Variants in RAI1 observed in about 807,000 individuals in gnomAD.
RAI1 encodes the protein retinoic acid induced 1.
In RAI1, 9 loss-of-function variants were observed where a neutral mutation model predicts 123.8. The ratio of observed to expected loss-of-function variants is 0.07; its 90% CI spans 0.04 to 0.13. The LOEUF is 0.13. Among genes scored for constraint, RAI1 ranks in the 10% least tolerant of loss-of-function variants. The pLI, the probability that RAI1 is intolerant of heterozygous loss-of-function variation, is 1.00. For missense variants in RAI1, 2,256 were observed against 2,545.8 expected, an observed-to-expected ratio of 0.89 and a Z score of 2.45; for synonymous variants, 1,231 against 1,127.3, an observed-to-expected ratio of 1.09 and a Z score of -1.84.
chr17:17,753,867 A>G (rs2030317297), intron 2 of RAI1, among the ~76,000 whole-genome samples: 1 of 152,140 alleles, frequency 6.6e-6, no homozygotes, highest in Admixed American at 6.5e-5. Flanking sequence ...AGACTGGAGG[A>G]ACTGTGGATC....
At chr17:17,737,567 A>C (rs1004590602) in intron 2 of RAI1, among the ~76,000 whole-genome samples, 1 of 152,136 alleles carries the variant, frequency 6.6e-6, no homozygotes, top group African/African-American at 2.4e-5. Flanking sequence ...CTGAATGGTT[A>C]AATTTAATTT....
chr17:17,795,113 C>T lies in RAI1; in HGVS notation c.2165C>T (p.Thr722Ile), dbSNP rs769988272. 31 of 1,614,022 alleles carry T rather than the reference C, an allele frequency of 1.9e-5. 1 individual carries two copies. The South Asian group carries it at 3.3e-4, about 17-fold the overall frequency. ...PTLGVPAPDP[T>I]TAAFDCFPDT... The stretch of plus-strand genomic sequence containing the variant: ...CTTGGGGTTCCTGCTCCAGACCCCA[C>T]TACAGCAGCTTTTGACTGTTTCCCG... The change falls in exon 3 of 6, where the codon ACT (threonine) becomes ATT (isoleucine). Residue 722 changes from threonine (T) to isoleucine (I), a missense_variant. Around this residue, in one of 7 missense-constraint regions of RAI1, gnomAD observed 566 missense variants for 616.0 expected, o/e 0.92. Transcript: ENST00000353383. This position sits in a 1 kb window ranked among gnomAD's most constrained non-coding sequence, Gnocchi z 5.9.
chr17:17,761,111 T>C (rs1020975947), intron 2 of RAI1, among the ~76,000 whole-genome samples: 6 of 152,142 alleles, frequency 3.9e-5, no homozygotes, highest in Non-Finnish European at 8.8e-5. Flanking sequence ...GTGCTCAGAG[T>C]CCTCATCTTT....
At position 17,794,954 on chromosome 17, in the gene RAI1, A is replaced by T; in HGVS notation, c.2006A>T (p.Asp669Val). The change falls in exon 3 of 6, where the codon GAC becomes GTC. Residue 669 changes from aspartate (D) to valine (V), a missense_variant. This residue lies in a region of RAI1 where 566 missense variants were observed against 616.0 expected (regional missense o/e 0.92). Transcript: ENST00000353383. ...CCTGGGGAGCCGGAGGCCCTGCCCG[A>T]CTCCTTGCAGCTGGACAAGGGCGGC... is the stretch of plus-strand genomic sequence containing the variant. ...PRPGEPEALPDSLQLDKGGNA... is the reference protein window; with the variant it reads ...PRPGEPEALPVSLQLDKGGNA... The T allele has an allele frequency of 6.2e-7, 1 of 1,613,576 alleles. No individual in the cohort carries two copies. The highest frequency in any genetic ancestry group is 8.5e-7 in the Non-Finnish European group (1 of 1,179,986).
At chr17:17,784,638 A>C (rs928247032) in intron 2 of RAI1, among the ~76,000 whole-genome samples, 2 of 152,240 alleles carry the variant, frequency 1.3e-5, no homozygotes, top group East Asian at 3.9e-4. Context: ...AGGCAGCACC[A>C]CGTAGAAGCA....
intron 2 of RAI1, among the ~76,000 whole-genome samples, chr17:17,753,536 T>C (rs2142987015): frequency 6.6e-6 from 1 of 152,264 alleles, no homozygotes; most frequent in South Asian, 2.1e-4. Flanking sequence ...CAAAAGAAAA[T>C]GCAATTTGAG....
intron 1 of RAI1, among the ~76,000 whole-genome samples, chr17:17,704,903 C>A (rs889040273): frequency 6.6e-6 from 1 of 151,932 alleles, no homozygotes; most frequent in Non-Finnish European, 1.5e-5. Context: ...AGTTATGGCC[C>A]GTGAGGTGTG....
intron 2 of RAI1, among the ~76,000 whole-genome samples, chr17:17,735,574 C>T (rs947069688): frequency 6.6e-6 from 1 of 152,158 alleles, no homozygotes; most frequent in Admixed American, 6.5e-5. Flanking sequence ...TCAGGCTGGT[C>T]TCAAACTCCT....
At chr17:17,771,148 G>C (rs1435957083) in intron 2 of RAI1, among the ~76,000 whole-genome samples, 1 of 152,194 alleles carries the variant, frequency 6.6e-6, no homozygotes, top group Non-Finnish European at 1.5e-5. Flanking sequence ...ACCCTGCCCA[G>C]GTGTCATGAA....
At chr17:17,780,585 C>T (rs1017124413) in intron 2 of RAI1, among the ~76,000 whole-genome samples, 1 of 152,208 alleles carries the variant, frequency 6.6e-6, no homozygotes, top group African/African-American at 2.4e-5. Flanking sequence ...CTTCTCTTCT[C>T]TGGAGCTCAG....
Position 17,793,107 on chromosome 17 carries a change from G to A in RAI1, c.159G>A (p.Pro53=), listed in dbSNP as rs767708787. Residue 53 remains proline (P), a synonymous_variant, in exon 3 of 6, where the codon CCG becomes CCA. Transcript: ENST00000353383. ...TGCTCGCCAAGGACTATTATAACCC[G>A]CAGCCTTACCCGAGCTATGAGGGTG... ...QRLLAKDYYN[P]QPYPSYEGGA... is the part of the protein sequence containing the mutation. 5.3e-5 allele frequency: 85 copies of A among 1,613,966 alleles called. No individual in the cohort carries two copies. The highest frequency in any genetic ancestry group is 5.8e-5 in the Non-Finnish European group (69 of 1,180,042).
At chr17:17,752,907 CCTGT>C (rs1224284817) in intron 2 of RAI1, among the ~76,000 whole-genome samples, 33 of 152,336 alleles carry the variant, frequency 2.2e-4, no homozygotes, top group African/African-American at 6.5e-4. Flanking sequence ...AGGGCAGGGC[CCTGT>C]CTGTGGCCTG....
At chr17:17,807,245 G>A (rs1226120066) in intron 4 of RAI1, among the ~76,000 whole-genome samples, 2 of 150,782 alleles carry the variant, frequency 1.3e-5, no homozygotes, top group African/African-American at 2.4e-5. Context: ...TGCCAGCCAG[G>A]CGGTGGGGGG....
chr17:17,697,486 G>A (rs139363338), intron 1 of RAI1, among the ~76,000 whole-genome samples: 240 of 152,368 alleles, frequency 1.6e-3, no homozygotes, highest in African/African-American at 5.5e-3. Context: ...TTATTCAGTT[G>A]TAAAATATTT....
chr17:17,796,277 G>A lies in RAI1; in HGVS notation c.3329G>A (p.Ser1110Asn), dbSNP rs2032243273. ...KPSPKAASSP[S>N]NPAALPVASD... ...TCACCCAAGGCTGCCTCCAGCCCCA[G>A]CAACCCGGCCGCCCTGCCTGTGGCC... Residue 1110 changes from serine to asparagine, a missense_variant, in exon 3 of 6, where the codon AGC (serine) becomes AAC (asparagine). Physicochemically the swap from Ser to Asn is conservative, Grantham distance 46 (BLOSUM62 1). Coordinates refer to ENST00000353383, the MANE Select transcript of RAI1 (RefSeq NM_030665.4). The surrounding 1 kb of genome is among the most constrained non-coding windows in gnomAD (Gnocchi z 5.8). 7 of 1,596,528 alleles carry A rather than the reference G, an allele frequency of 4.4e-6. No individual in the cohort carries two copies. Among genetic ancestry groups the A allele is most frequent in the Non-Finnish European group, 6.0e-6 (7 of 1,169,500 alleles).
intron 2 of RAI1, among the ~76,000 whole-genome samples, chr17:17,747,564 C>T (rs1036686976): frequency 1.3e-5 from 2 of 152,144 alleles, no homozygotes; most frequent in African/African-American, 4.8e-5. Flanking sequence ...GGGCATTTGA[C>T]ACGAGGCCGG....
chr17:17,764,842 G>A (rs2030856562), intron 2 of RAI1, among the ~76,000 whole-genome samples: 1 of 152,362 alleles, frequency 6.6e-6, no homozygotes. Context: ...TGCTTACCTC[G>A]GCCTCCCAAA....
chr17:17,745,198 A>C (rs1283669687), intron 2 of RAI1, among the ~76,000 whole-genome samples: 2 of 152,138 alleles, frequency 1.3e-5, no homozygotes, highest in African/African-American at 4.8e-5. Context: ...AGAGATCACA[A>C]GTTTTTAGGT....
chr17:17,784,659 C>T (rs2031760228), intron 2 of RAI1, among the ~76,000 whole-genome samples: 1 of 152,144 alleles, frequency 6.6e-6, no homozygotes, highest in Non-Finnish European at 1.5e-5. Flanking sequence ...AGCCGGAGAC[C>T]CCTATGCCGT....
Sources: gnomAD v4.1 joint callset for allele counts (sites outside exome capture counted in the v4.1 genomes callset) on GRCh38, gnomAD v4.1.1 for gene constraint, gnomAD v4.1.1 regional missense constraint, Gnocchi (gnomAD v3.1) non-coding constraint, MANE v1.5 for transcripts, NCBI Gene and HGNC (gene_info 2026-07-23, HGNC 2026-07-21) for gene names.